ANKRD36B: variants seen among roughly 807,000 people sequenced by gnomAD.
The protein encoded by ANKRD36B is ankyrin repeat domain-containing protein 36B.
In ANKRD36B, 37 loss-of-function variants were observed where a neutral mutation model predicts 135.7. That is an observed-to-expected ratio of 0.27 (90% CI 0.21 to 0.36). The LOEUF is 0.36. Among genes scored for constraint, ANKRD36B ranks in the 10% least tolerant of loss-of-function variants. The pLI, the probability that ANKRD36B is intolerant of heterozygous loss-of-function variation, is 1.00. For synonymous variants in ANKRD36B, 179 were observed against 348.1 expected (o/e 0.51, Z 5.41); for missense variants, 549 against 1,037.1 (o/e 0.53, Z 6.46).
intron 1 of ANKRD36B, among the ~76,000 whole-genome samples, chr2:97,586,720 ATAAT>A (rs2083026758): frequency 6.6e-6 from 1 of 152,222 alleles, no homozygotes; most frequent in Non-Finnish European, 1.5e-5. Context: ...ATAAACTAAA[ATAAT>A]TAATTTAAAA....
intron 20 of ANKRD36B, among the ~76,000 whole-genome samples, 165 bp from the exon 21 acceptor site, chr2:97,547,896 G>C (rs1336590637): frequency 6.6e-6 from 1 of 151,790 alleles, no homozygotes; most frequent in Non-Finnish European, 1.5e-5. Flanking sequence ...GAAATACGCT[G>C]AGAAAAGGGA....
intron 6 of ANKRD36B, among the ~76,000 whole-genome samples, chr2:97,562,567 C>A (rs1327595068): frequency 6.6e-6 from 1 of 152,008 alleles, no homozygotes; most frequent in Non-Finnish European, 1.5e-5. Context: ...CCACAAGTCT[C>A]CTCATCAGAA....
At position 97,544,811 on chromosome 2, in the gene ANKRD36B, C is replaced by T; in HGVS notation, c.1682-826G>A. ...ACTTTAGGAGTTAATTAGAATTCAA[C>T]ATAATTTTTGTTTCTAAAAAGTCTT... is the stretch of plus-strand genomic sequence containing the variant. On this transcript the variant is annotated intron_variant, in intron 24 of 43. Transcript: ENST00000359901. Among the ~76,000 whole-genome samples the T allele has an allele frequency of 2.1e-5, 2 of 96,446 alleles. 1 individual carries two copies. The highest frequency in any genetic ancestry group is 5.6e-5 in the Non-Finnish European group (2 of 35,988). 63.3% of individuals were successfully genotyped at this position (96,446 alleles called of 152,430 possible). A position where few individuals can be genotyped will look rare whatever the true frequency, so the allele number is the denominator to read the frequency against.
At chr2:97,567,990 G>A (rs1318356480) in intron 6 of ANKRD36B, among the ~76,000 whole-genome samples, 1 of 152,062 alleles carries the variant, frequency 6.6e-6, no homozygotes, top group Non-Finnish European at 1.5e-5. Flanking sequence ...TCTCACATCA[G>A]TGCAGAAAGT....
rs758333212 is a variant in ANKRD36B, at chr2:97,553,185, CCAT to C, written c.1253_1255del (p.Asp418del). 12 of 1,611,216 alleles carry C rather than the reference CCAT, an allele frequency of 7.4e-6. No individual in the cohort carries two copies. The South Asian group carries it at 1.3e-4, about 18-fold the overall frequency. Reference sequence around the variant, plus strand: ...AAAATTACCTGTCCCAGATTTTTCTCCATCCTTTATTTCTGTGGCTATATTAGA... The same window carrying C: ...AAAATTACCTGTCCCAGATTTTTCTCCCTTTATTTCTGTGGCTATATTAGA... On this transcript the variant is annotated inframe_deletion, in exon 16 of 44. Coordinates refer to ENST00000359901, the MANE Select transcript of ANKRD36B (RefSeq NM_001393939.1).
At chr2:97,558,318 C>A (rs1055389473) in intron 10 of ANKRD36B, among the ~76,000 whole-genome samples, 38 of 152,176 alleles carry the variant, frequency 2.5e-4, no homozygotes, top group African/African-American at 8.9e-4. Flanking sequence ...ACATAAATAA[C>A]TTCTTATTTT....
chr2:97,545,943 C>T (rs978730955), intron 22 of ANKRD36B, 82 bp from the exon 23 acceptor site: 2 of 925,422 alleles, frequency 2.2e-6, no homozygotes, highest in African/African-American at 3.2e-5. Flanking sequence ...TTAGCATCAA[C>T]CTCTGTCCTC....
In ANKRD36B at chr2:97,545,582, C is replaced by T. The variant is rs1369592847; in HGVS notation, c.1681+84G>A. ...ACTAAATCAGAACATGAAGATTTGA[C>T]GAACCCCCCGCTGCTTTATTTGGTG... On this transcript the variant is annotated intron_variant, in intron 24 of 43. Coordinates refer to ENST00000359901, the MANE Select transcript of ANKRD36B (RefSeq NM_001393939.1). 20 of 733,712 alleles carry T rather than the reference C, an allele frequency of 2.7e-5. 4 individuals carry two copies. The highest frequency in any genetic ancestry group is 2.5e-4 in the Middle Eastern group (1 of 3,926). 45.5% of individuals were successfully genotyped at this position (733,712 alleles called of 1,614,324 possible).
At chr2:97,540,512 G>A (rs2079099893) in intron 28 of ANKRD36B, among the ~76,000 whole-genome samples, 1 of 96,642 alleles carries the variant, frequency 1.0e-5, no homozygotes, top group South Asian at 2.3e-4. Flanking sequence ...TATGCTGAGT[G>A]ATGAGGACAA....
At chr2:97,567,620 T>C (rs1205254472) in intron 6 of ANKRD36B, among the ~76,000 whole-genome samples, 4 of 152,170 alleles carry the variant, frequency 2.6e-5, no homozygotes, top group Non-Finnish European at 2.9e-5. Context: ...CAGATTCAGT[T>C]ACCCATGGTC....
rs1373648183 is a variant in ANKRD36B, at chr2:97,529,163, TG to T, written c.2265+3147del. ...GATGCAAAAATCCTCAATAAAATAC[TG>T]GCAAACCGAATCCAGCAGCACATCA... On this transcript the variant is annotated intron_variant, in intron 35 of 43. Transcript: ENST00000359901. Among the ~76,000 whole-genome samples, 2 of 95,322 alleles carry T rather than the reference TG, an allele frequency of 2.1e-5. 1 individual carries two copies. Among genetic ancestry groups the T allele is most frequent in the Non-Finnish European group, 5.6e-5 (2 of 35,920 alleles). 62.5% of individuals were successfully genotyped at this position (95,322 alleles called of 152,430 possible). A position where few individuals can be genotyped will look rare whatever the true frequency, so the allele number is the denominator to read the frequency against.
At chr2:97,524,862 TAA>T (rs1433911460) in intron 35 of ANKRD36B, 1 of 97,148 alleles carries the variant, frequency 1.0e-5, no homozygotes, top group African/African-American at 3.1e-5. Flanking sequence ...CCTGAATATA[TAA>T]AGAGGTCCTT....
intron 12 of ANKRD36B, among the ~76,000 whole-genome samples, chr2:97,556,128 A>T (rs1374852552): frequency 6.6e-6 from 1 of 151,908 alleles, no homozygotes; most frequent in Non-Finnish European, 1.5e-5. Flanking sequence ...ATTATAAAGA[A>T]TTTTCACTAA....
chr2:97,568,266 T>G (rs2081589428), intron 6 of ANKRD36B, among the ~76,000 whole-genome samples: 1 of 152,094 alleles, frequency 6.6e-6, no homozygotes, highest in South Asian at 2.1e-4. Flanking sequence ...GTACTTATTT[T>G]GTTGAAACAC....
intron 1 of ANKRD36B, among the ~76,000 whole-genome samples, chr2:97,585,833 C>T (rs936678174): frequency 1.3e-5 from 2 of 152,172 alleles, no homozygotes; most frequent in African/African-American, 4.8e-5. Context: ...TAAAATGATA[C>T]AATCATATCT....
At position 97,536,316 on chromosome 2, in the gene ANKRD36B, T is replaced by C. The variant is rs1203712009; in HGVS notation, c.2175A>G (p.Val725=). Residue 725 remains valine (V), a synonymous_variant, in exon 34 of 44, where the codon GTA becomes GTG. Coordinates refer to ENST00000359901, the MANE Select transcript of ANKRD36B (RefSeq NM_001393939.1). ...VLNTATKMKE[V]QTSTPAEQDL... is the part of the protein sequence containing the mutation. Reference sequence around the variant, plus strand: ...AAAGTTTACCTGGTGTGGATGTTTGTACCTCCTTCATTTTGGTGGCTGTAT... The same window carrying C: ...AAAGTTTACCTGGTGTGGATGTTTGCACCTCCTTCATTTTGGTGGCTGTAT... 2 of 941,628 alleles carry C rather than the reference T, an allele frequency of 2.1e-6. No individual in the cohort carries two copies. The highest frequency in any genetic ancestry group is 1.7e-5 in the African/African-American group (1 of 59,836). 58.3% of individuals were successfully genotyped at this position (941,628 alleles called of 1,614,324 possible).
intron 28 of ANKRD36B, 200 bp downstream of exon 28, chr2:97,541,711 G>C: frequency 6.0e-6 from 3 of 496,620 alleles, no homozygotes; most frequent in South Asian, 4.6e-5. Context: ...TCAATGTAGG[G>C]AAGTCTACAA....
At chr2:97,577,835 A>G (rs1339852005) in intron 5 of ANKRD36B, among the ~76,000 whole-genome samples, 1 of 151,834 alleles carries the variant, frequency 6.6e-6, no homozygotes, top group East Asian at 1.9e-4. Context: ...GCCAACCACA[A>G]GTTGATGCCT....
chr2:97,565,017 T>C (rs2081327438), intron 6 of ANKRD36B, among the ~76,000 whole-genome samples: 2 of 105,388 alleles, frequency 1.9e-5, no homozygotes, highest in South Asian at 4.5e-4. Flanking sequence ...ATGGAATGTT[T>C]TTCCATTTGT....
Sources: allele counts gnomAD v4.1 joint callset (sites outside exome capture counted in the v4.1 genomes callset), GRCh38; gene constraint gnomAD v4.1.1; transcripts MANE v1.5; gene names NCBI Gene and HGNC (gene_info 2026-07-23, HGNC 2026-07-21).